The following USP40 variants were observed in gnomAD, a reference collection of about 807,000 sequenced individuals.
USP40 encodes ubiquitin carboxyl-terminal hydrolase 40.
In USP40, 143 loss-of-function variants were observed where a neutral mutation model predicts 166.2. The ratio of observed to expected loss-of-function variants is 0.86; its 90% CI spans 0.75 to 0.99. The LOEUF (loss-of-function observed/expected upper bound fraction) is 0.99. Among genes scored for constraint, USP40 ranks in the 50% least tolerant of loss-of-function variants. The pLI, the probability that USP40 is intolerant of heterozygous loss-of-function variation, is 0.00. For synonymous variants in USP40, 498 were observed against 524.0 expected (o/e 0.95, Z 0.68); for missense variants, 1,444 against 1,479.7 (o/e 0.98, Z 0.40).
chr2:233,509,206 T>A (rs1227298639), intron 21 of USP40, among the ~76,000 whole-genome samples: 1 of 152,194 alleles, frequency 6.6e-6, no homozygotes, highest in African/African-American at 2.4e-5. Context: ...AAAAAATATA[T>A]GAAGCTCATT....
Position 233,554,483 on chromosome 2 carries a change from C to T in USP40, c.590G>A (p.Gly197Asp). ...DLTVAVKNVS[G>D]LEDALWNMYV... ...CATGTTCCAGAGAGCATCTTCCAAA[C>T]CGGATACATTTTTGACTGCTACTGT... Residue 197 changes from glycine to aspartate, a missense_variant, in exon 6 of 32, where the codon GGT becomes GAT. Transcript: ENST00000678225. 1 of 1,612,464 alleles carries T rather than the reference C, an allele frequency of 6.2e-7. No homozygotes were observed. Among genetic ancestry groups the T allele is most frequent in the South Asian group, 1.1e-5 (1 of 90,820 alleles).
chr2:233,482,854 G>A (rs958735259), intron 30 of USP40, among the ~76,000 whole-genome samples: 1 of 152,162 alleles, frequency 6.6e-6, no homozygotes, highest in Non-Finnish European at 1.5e-5. Flanking sequence ...GAGTTCCCAC[G>A]GTCTCACTAG....
chr2:233,547,322 AAC>A lies in USP40; in HGVS notation c.966+1777_966+1778del, dbSNP rs556649324. On this transcript the variant is annotated intron_variant, in intron 8 of 31. Transcript: ENST00000678225. ...TCCCTGGTAAACATGTTCCTGGTAG[AAC>A]ACAGTTTGACTTTTTTCATATCCAA... is the stretch of plus-strand genomic sequence containing the variant. 8.5e-4 allele frequency among the ~76,000 whole-genome samples: 129 copies of A among 152,314 alleles called. 2 individuals carry two copies. The South Asian group carries it at 0.013, about 15-fold the overall frequency.
chr2:233,505,502 T>C (rs533001883), intron 21 of USP40, among the ~76,000 whole-genome samples: 3 of 152,198 alleles, frequency 2.0e-5, no homozygotes, highest in Admixed American at 6.5e-5. Context: ...GACATTACAA[T>C]TGATACCACA....
chr2:233,490,899 TA>T, intron 26 of USP40: 1 of 550,484 alleles, frequency 1.8e-6, no homozygotes. Flanking sequence ...CCTAAAAAAA[TA>T]AAAATGAACA....
At chr2:233,502,443 A>G (rs1340912038) in intron 21 of USP40, among the ~76,000 whole-genome samples, 1 of 152,198 alleles carries the variant, frequency 6.6e-6, no homozygotes, top group African/African-American at 2.4e-5. Context: ...AAATCTAAAT[A>G]TGAAATGCTC....
In USP40 at chr2:233,527,106, A is replaced by G. The variant is rs556309457; in HGVS notation, c.1725+301T>C. ...ATCTTTATCTTTTCACTCTCTTTGA[A>G]AGGCAATTTGCTTTCATTTATTTTC... On this transcript the variant is annotated intron_variant, in intron 13 of 31. Coordinates refer to ENST00000678225, the MANE Select transcript of USP40 (RefSeq NM_001365479.2). 2.6e-5 allele frequency among the ~76,000 whole-genome samples: 4 copies of G among 152,236 alleles called. No homozygotes were observed. The South Asian group carries it at 8.3e-4, about 32-fold the overall frequency.
intron 11 of USP40, among the ~76,000 whole-genome samples, chr2:233,531,102 G>T (rs1414017584): frequency 2.0e-5 from 3 of 152,120 alleles, no homozygotes; most frequent in African/African-American, 7.2e-5. Context: ...CTTCCCAGTT[G>T]TATTTATTGA....
In USP40 at chr2:233,510,112, C is replaced by T. The variant is rs750986140; in HGVS notation, c.2550G>A (p.Gly850=). 3 of 1,603,604 alleles carry T rather than the reference C, an allele frequency of 1.9e-6. No individual in the cohort carries two copies. Among genetic ancestry groups the T allele is most frequent in the Non-Finnish European group, 1.7e-6 (2 of 1,174,714 alleles). Residue 850 remains glycine, a synonymous_variant, in exon 21 of 32, where the codon GGG becomes GGA. Transcript: ENST00000678225. Reference sequence around the variant, plus strand: ...TTTCTGTCCCAGGTTGAACGTCACTCCCCATTGCAAAAAACAGGAACAACT... The same window carrying T: ...TTTCTGTCCCAGGTTGAACGTCACTTCCCATTGCAAAAAACAGGAACAACT... ...SSQLFLFFAM[G]SDVQPGTEME... is the part of the protein sequence containing the mutation.
chr2:233,559,599 A>G (rs1229996502), intron 4 of USP40, among the ~76,000 whole-genome samples: 1 of 152,240 alleles, frequency 6.6e-6, no homozygotes, highest in Non-Finnish European at 1.5e-5. Context: ...TCTTCTCCCC[A>G]GCCCCAAATC....
chr2:233,522,049 C>T (rs838545), intron 16 of USP40, among the ~76,000 whole-genome samples: 31,673 of 152,092 alleles, frequency 0.21, 3,379 homozygotes, highest in African/African-American at 0.22. Flanking sequence ...GGTCCCACTA[C>T]AGCCTACTGA....
chr2:233,498,058 C>T (rs1015854010), intron 23 of USP40, among the ~76,000 whole-genome samples: 3 of 152,192 alleles, frequency 2.0e-5, no homozygotes, highest in Admixed American at 1.3e-4. Context: ...AGATGACCAA[C>T]TAGATTCCAA....
intron 21 of USP40, among the ~76,000 whole-genome samples, chr2:233,506,937 T>C (rs2066460061): frequency 6.6e-6 from 1 of 150,894 alleles, no homozygotes; most frequent in Non-Finnish European, 1.5e-5. Context: ...AGAGTTAATA[T>C]CCGGAATATA....
At chr2:233,481,568 G>A in intron 30 of USP40, 1 of 467,728 alleles carries the variant, frequency 2.1e-6, no homozygotes, top group Non-Finnish European at 3.8e-6. Context: ...CAAACAGGGG[G>A]ACTTTAAAGG....
Position 233,494,165 on chromosome 2 carries a change from C to T in USP40, c.2791-614G>A, listed in dbSNP as rs977718917. Among the ~76,000 whole-genome samples, 12 of 152,198 alleles carry T rather than the reference C, an allele frequency of 7.9e-5. No individual in the cohort carries two copies. The South Asian group carries it at 2.5e-3, about 32-fold the overall frequency. On this transcript the variant is annotated intron_variant, in intron 24 of 31. Coordinates refer to ENST00000678225, the MANE Select transcript of USP40 (RefSeq NM_001365479.2). ...CCTAAAACATTTTAAATAGATAGTT[C>T]AAGAAATGTGCATTAGAATATTTTT...
intron 18 of USP40, among the ~76,000 whole-genome samples, chr2:233,518,879 G>A (rs1172297732): frequency 6.6e-6 from 1 of 152,028 alleles, no homozygotes; most frequent in Admixed American, 6.6e-5. Flanking sequence ...GTTTGTCCAG[G>A]ATAAACAAAA....
rs911056789 is a variant in USP40, at chr2:233,510,036, T to C, written c.2613+13A>G. ...ACACACAGCCTCTGAAAACAAAAGG[T>C]AAAATTACTTACATCTCTCACAGAT... On this transcript the variant is annotated intron_variant, in intron 21 of 31. Coordinates refer to ENST00000678225, the MANE Select transcript of USP40 (RefSeq NM_001365479.2). 3.2e-6 allele frequency: 5 copies of C among 1,563,378 alleles called. No homozygotes were observed. In the African/African-American group the frequency reaches 6.8e-5, roughly 21 times the overall value.
At chr2:233,489,243 G>T in intron 27 of USP40, 122 bp downstream of exon 27, 3 of 907,574 alleles carry the variant, frequency 3.3e-6, no homozygotes, top group Non-Finnish European at 5.3e-6. Flanking sequence ...CACAAGCGTG[G>T]CATGACCAGG....
intron 5 of USP40, among the ~76,000 whole-genome samples, chr2:233,556,136 T>G (rs548089719): frequency 1.4e-5 from 2 of 143,974 alleles, no homozygotes; most frequent in Non-Finnish European, 3.0e-5. Context: ...AAAAAGAAAA[T>G]GGTAATTTTG....
Sources: gnomAD v4.1 joint callset for allele counts (sites outside exome capture counted in the v4.1 genomes callset) on GRCh38, gnomAD v4.1.1 for gene constraint, MANE v1.5 for transcripts, NCBI Gene and HGNC (gene_info 2026-07-23, HGNC 2026-07-21) for gene names.